Variants in PAPPA2 observed in about 807,000 individuals in gnomAD.
PAPPA2 encodes the protein pappalysin 2.
In PAPPA2, 86 loss-of-function variants were observed where a neutral mutation model predicts 176.4. That is an observed-to-expected ratio of 0.49 (90% CI 0.41 to 0.58). PAPPA2 has a LOEUF of 0.58. PAPPA2 is among the 20% of genes least tolerant of loss of function. The pLI is 0.00. For synonymous variants in PAPPA2, 809 were observed against 852.2 expected (o/e 0.95, Z 0.88); for missense variants, 2,073 against 2,256.9 (o/e 0.92, Z 1.65).
At chr1:176,576,487 G>A (rs1200410356) in intron 2 of PAPPA2, among the ~76,000 whole-genome samples, 2 of 151,938 alleles carry the variant, frequency 1.3e-5, no homozygotes, top group African/African-American at 4.8e-5. Context: ...GTGTGTGTGT[G>A]TGTGTGTGTG....
chr1:176,526,272 T>C (rs1649496666), intron 1 of PAPPA2, among the ~76,000 whole-genome samples: 1 of 152,226 alleles, frequency 6.6e-6, no homozygotes, highest in Admixed American at 6.5e-5. Context: ...TTGTATCCAC[T>C]AAACCCATTG....
chr1:176,553,664 C>A (rs955188595), intron 1 of PAPPA2: 1 of 152,038 alleles, frequency 6.6e-6, no homozygotes, highest in Non-Finnish European at 1.5e-5. Flanking sequence ...AAGATCCCTA[C>A]ACATTAAAAG....
At chr1:176,585,564 A>G (rs911718032) in intron 2 of PAPPA2, among the ~76,000 whole-genome samples, 1 of 152,206 alleles carries the variant, frequency 6.6e-6, no homozygotes, top group African/African-American at 2.4e-5. Context: ...TATTTCATTA[A>G]ATAGGTTTCC....
At position 176,734,934 on chromosome 1, in the gene PAPPA2, G is replaced by T. The variant is rs548071453; in HGVS notation, c.3799-4692G>T. On this transcript the variant is annotated intron_variant, in intron 12 of 22. Transcript: ENST00000367662. ...GATTATGTGACTTTATTTCTGGGGGGAGTAAAAGCACAAACATCAATAAGT... is the reference window on the plus strand; with the variant it reads ...GATTATGTGACTTTATTTCTGGGGGTAGTAAAAGCACAAACATCAATAAGT... Among the ~76,000 whole-genome samples the T allele has an allele frequency of 5.3e-5, 8 of 152,172 alleles. No individual in the cohort carries two copies. The South Asian group carries it at 1.7e-3, about 32-fold the overall frequency.
At chr1:176,631,068 G>T (rs930187220) in intron 3 of PAPPA2, among the ~76,000 whole-genome samples, 1 of 152,130 alleles carries the variant, frequency 6.6e-6, no homozygotes, top group African/African-American at 2.4e-5. Context: ...AAAATGCTTC[G>T]ACGAAACTGG....
chr1:176,602,546 C>A (rs1025518151), intron 3 of PAPPA2, among the ~76,000 whole-genome samples: 2 of 152,162 alleles, frequency 1.3e-5, no homozygotes, highest in Non-Finnish European at 2.9e-5. Flanking sequence ...TGGGCCCTTG[C>A]AGTGGCTGGT....
intron 14 of PAPPA2, among the ~76,000 whole-genome samples, chr1:176,745,783 C>T (rs1662880344): frequency 6.6e-6 from 1 of 152,154 alleles, no homozygotes; most frequent in Non-Finnish European, 1.5e-5. Flanking sequence ...CATTGTGTGG[C>T]AGAGAAGTTT....
intron 1 of PAPPA2, among the ~76,000 whole-genome samples, chr1:176,480,783 G>A (rs1007744258): frequency 5.3e-5 from 8 of 151,168 alleles, no homozygotes; most frequent in African/African-American, 2.0e-4. Context: ...CCCTCCCTCA[G>A]GCTCTTGCCA....
chr1:176,808,098 C>T (rs555149401), intron 21 of PAPPA2, among the ~76,000 whole-genome samples: 1 of 152,076 alleles, frequency 6.6e-6, no homozygotes, highest in South Asian at 2.1e-4. Context: ...CTGGTCACAC[C>T]TTGTCTTTAA....
intron 3 of PAPPA2, among the ~76,000 whole-genome samples, chr1:176,600,479 A>C (rs892491073): frequency 6.6e-6 from 1 of 151,762 alleles, no homozygotes; most frequent in Admixed American, 6.6e-5. Flanking sequence ...GATCGAGACC[A>C]TCCTGGCTAA....
chr1:176,549,669 C>G (rs1302437654), intron 1 of PAPPA2, among the ~76,000 whole-genome samples: 2 of 152,172 alleles, frequency 1.3e-5, no homozygotes, highest in Non-Finnish European at 2.9e-5. Context: ...AAGGGGTCCC[C>G]TCAGAGTCTA....
In PAPPA2 at chr1:176,825,872, A is replaced by C. The variant is rs569989202; in HGVS notation, c.5203-14301A>C. Among the ~76,000 whole-genome samples, 13 of 152,344 alleles carry C rather than the reference A, an allele frequency of 8.5e-5. 1 individual carries two copies. The highest frequency in any genetic ancestry group is 2.6e-4 in the African/African-American group (11 of 41,590). On this transcript the variant is annotated intron_variant, in intron 21 of 22. Coordinates refer to ENST00000367662, the MANE Select transcript of PAPPA2 (RefSeq NM_020318.3). ...AGGGCTGCGCTCCACCCTCACAGAC[A>C]GAGAACCATTGATACGAAGAGTATC...
intron 3 of PAPPA2, among the ~76,000 whole-genome samples, chr1:176,623,613 TCC>T (rs1558479021): frequency 0.021 from 2,883 of 135,054 alleles, 47 homozygotes; most frequent in East Asian, 0.062. Flanking sequence ...CTTCCTTCCT[TCC>T]TTCCTTCCTT....
intron 20 of PAPPA2, among the ~76,000 whole-genome samples, chr1:176,799,416 G>C (rs983614478): frequency 6.6e-6 from 1 of 152,188 alleles, no homozygotes; most frequent in African/African-American, 2.4e-5. Flanking sequence ...GCTCCCACCA[G>C]CTTGATGTTG....
intron 17 of PAPPA2, among the ~76,000 whole-genome samples, chr1:176,788,307 T>A (rs990796687): frequency 1.3e-5 from 2 of 152,160 alleles, no homozygotes; most frequent in African/African-American, 4.8e-5. Context: ...GGAAAGACAG[T>A]CACATGTGCA....
chr1:176,595,578 C>T lies in PAPPA2; in HGVS notation c.1974C>T (p.Asp658=), dbSNP rs1653936163. 1 of 1,611,312 alleles carries T rather than the reference C, an allele frequency of 6.2e-7. No individual in the cohort carries two copies. Among genetic ancestry groups the T allele is most frequent in the Non-Finnish European group, 8.5e-7 (1 of 1,178,374 alleles). Reference sequence around the variant, plus strand: ...CTGATGTGCGCAAGACCTGCTTTGACCCTGACTCACCCAAGAGGTAAGGGA... The same window carrying T: ...CTGATGTGCGCAAGACCTGCTTTGATCCTGACTCACCCAAGAGGTAAGGGA... ...QVADVRKTCF[D]PDSPKRAYMS... The change falls in exon 3 of 23, where the codon GAC becomes GAT. Residue 658 remains aspartate (D), a synonymous_variant. Transcript: ENST00000367662.
At chr1:176,639,413 T>C (rs1656935788) in intron 3 of PAPPA2, among the ~76,000 whole-genome samples, 1 of 152,122 alleles carries the variant, frequency 6.6e-6, no homozygotes, top group African/African-American at 2.4e-5. Flanking sequence ...AAAGATTGCC[T>C]GGTATAGGAA....
At chr1:176,699,832 T>A (rs938832166) in intron 8 of PAPPA2, among the ~76,000 whole-genome samples, 1 of 152,186 alleles carries the variant, frequency 6.6e-6, no homozygotes, top group Non-Finnish European at 1.5e-5. Flanking sequence ...GTGTATGAGA[T>A]GTTTCAGTTG....
intron 1 of PAPPA2, among the ~76,000 whole-genome samples, chr1:176,520,122 T>A (rs1025898565): frequency 6.6e-6 from 1 of 152,178 alleles, no homozygotes; most frequent in Non-Finnish European, 1.5e-5. Context: ...CAGTTTTGTC[T>A]TACTCTAGAC....
Sources: gnomAD v4.1 joint callset for allele counts (sites outside exome capture counted in the v4.1 genomes callset) on GRCh38, gnomAD v4.1.1 for gene constraint, MANE v1.5 for transcripts, NCBI Gene and HGNC (gene_info 2026-07-23, HGNC 2026-07-21) for gene names.